The following RAB38 variants were observed in gnomAD, a reference collection of about 807,000 sequenced individuals.
RAB38 encodes the protein RAB38, member RAS oncogene family.
In RAB38, 15 loss-of-function variants were observed where a neutral mutation model predicts 18.4. The ratio of observed to expected loss-of-function variants is 0.82; its 90% CI spans 0.55 to 1.26. The LOEUF is 1.26. Ranked by LOEUF, RAB38 falls within the 50% of genes most tolerant of loss-of-function variation. The pLI, the probability that RAB38 is intolerant of heterozygous loss-of-function variation, is 0.00. For synonymous variants in RAB38, 101 were observed against 104.4 expected (o/e 0.97, Z 0.20); for missense variants, 294 against 267.4 (o/e 1.10, Z -0.69).
At chr11:87,923,530 G>C in the RAB38 span, among the ~76,000 whole-genome samples, 1 of 149,640 alleles carries the variant, frequency 6.7e-6, no homozygotes, top group Non-Finnish European at 1.5e-5. Context: ...TTGCTCCAAT[G>C]TAAGAGTCAA....
the RAB38 span, among the ~76,000 whole-genome samples, chr11:87,845,851 TGCCAAA>T: frequency 1.3e-5 from 2 of 152,090 alleles, no homozygotes; most frequent in East Asian, 3.9e-4. Context: ...CATCAGAAAC[TGCCAAA>T]GCCAAAGACT....
the RAB38 span, among the ~76,000 whole-genome samples, chr11:87,891,470 G>T: frequency 6.6e-6 from 1 of 151,808 alleles, no homozygotes; most frequent in East Asian, 2.0e-4. Context: ...TGTTTCCAGT[G>T]GTGGGCAGGC....
rs1413618714 is a variant in RAB38, at chr11:88,113,722, G to A, written c.*266C>T. The A allele has an allele frequency of 1.0e-5, 4 of 392,804 alleles. No individual in the cohort carries two copies. The highest frequency in any genetic ancestry group is 1.9e-5 in the Non-Finnish European group (4 of 214,694). 24.3% of individuals were successfully genotyped at this position (392,804 alleles called of 1,614,324 possible). ...AAAGAAGCAAATAACAGTGCCGACTGTGGCCCTGCAGGATTTTGGTCAGCT... is the reference window on the plus strand; with the variant it reads ...AAAGAAGCAAATAACAGTGCCGACTATGGCCCTGCAGGATTTTGGTCAGCT... On this transcript the variant is annotated 3_prime_UTR_variant, in exon 3 of 3. Transcript: ENST00000243662.
chr11:87,873,606 A>G, the RAB38 span, among the ~76,000 whole-genome samples: 2 of 151,518 alleles, frequency 1.3e-5, no homozygotes, highest in African/African-American at 4.8e-5. Context: ...ATTTAAGACT[A>G]TAATCCATTT....
At chr11:87,936,027 T>C in the RAB38 span, among the ~76,000 whole-genome samples, 3 of 152,190 alleles carry the variant, frequency 2.0e-5, no homozygotes, top group African/African-American at 7.2e-5. Context: ...TGTTGAGTTT[T>C]GAGAATTCTT....
At chr11:87,830,636 T>C in the RAB38 span, among the ~76,000 whole-genome samples, 1 of 152,168 alleles carries the variant, frequency 6.6e-6, no homozygotes, top group East Asian at 1.9e-4. Flanking sequence ...TTATATATTA[T>C]ACATTGTACA....
chr11:87,906,093 C>A, the RAB38 span, among the ~76,000 whole-genome samples: 1 of 151,876 alleles, frequency 6.6e-6, no homozygotes, highest in Non-Finnish European at 1.5e-5. Flanking sequence ...ATATATTTTT[C>A]TTTTCACATA....
the RAB38 span, among the ~76,000 whole-genome samples, chr11:87,965,754 C>T: frequency 1.3e-5 from 2 of 152,086 alleles, no homozygotes; most frequent in African/African-American, 2.4e-5. Flanking sequence ...AACAATGAAG[C>T]CAGTTTTTAT....
chr11:87,941,742 T>C, the RAB38 span, among the ~76,000 whole-genome samples: 1 of 152,212 alleles, frequency 6.6e-6, no homozygotes, highest in Non-Finnish European at 1.5e-5. Context: ...AAAAAATTAC[T>C]GAGGCTTATC....
chr11:88,071,642 G>A, the RAB38 span, among the ~76,000 whole-genome samples: 3 of 152,172 alleles, frequency 2.0e-5, no homozygotes, highest in Admixed American at 2.0e-4. Flanking sequence ...TCTGACACTG[G>A]ATAAGGAGAC....
chr11:87,808,393 C>T, the RAB38 span, among the ~76,000 whole-genome samples: 2 of 152,028 alleles, frequency 1.3e-5, no homozygotes, highest in Admixed American at 6.6e-5. Flanking sequence ...AGAAAATATC[C>T]TGTTATTTGT....
the RAB38 span, among the ~76,000 whole-genome samples, chr11:87,957,513 T>G: frequency 6.6e-6 from 1 of 152,156 alleles, no homozygotes; most frequent in Admixed American, 6.5e-5. Context: ...TGAAGAAGCA[T>G]GATTGGACAA....
At chr11:88,048,303 G>T in the RAB38 span, among the ~76,000 whole-genome samples, 1 of 152,170 alleles carries the variant, frequency 6.6e-6, no homozygotes, top group Middle Eastern at 3.4e-3. Context: ...ATAATTCCTC[G>T]GTTTGGCCTT....
At chr11:87,857,296 C>T in the RAB38 span, among the ~76,000 whole-genome samples, 3 of 152,180 alleles carry the variant, frequency 2.0e-5, no homozygotes, top group Non-Finnish European at 2.9e-5. Context: ...CAAGTCTTTG[C>T]TATTGTGAAT....
chr11:88,042,872 C>T, the RAB38 span, among the ~76,000 whole-genome samples: 4 of 152,186 alleles, frequency 2.6e-5, no homozygotes, highest in African/African-American at 9.7e-5. Context: ...TGACTTGGCT[C>T]ATAGGCTGAG....
the RAB38 span, among the ~76,000 whole-genome samples, chr11:87,883,598 G>T: frequency 0.72 from 108,921 of 151,798 alleles, 40,294 homozygotes; most frequent in Non-Finnish European, 0.82. Context: ...GAACTTTGCA[G>T]AAGTGATTCA....
At chr11:88,054,446 T>C in the RAB38 span, among the ~76,000 whole-genome samples, 1 of 152,244 alleles carries the variant, frequency 6.6e-6, no homozygotes, top group Non-Finnish European at 1.5e-5. Flanking sequence ...GTTTGAATTT[T>C]AGCAAAAAAC....
At chr11:87,844,045 T>C in the RAB38 span, among the ~76,000 whole-genome samples, 1 of 152,226 alleles carries the variant, frequency 6.6e-6, no homozygotes, top group African/African-American at 2.4e-5. Context: ...TAATTAACTA[T>C]ATTTTCTATT....
intron 1 of RAB38, among the ~76,000 whole-genome samples, chr11:88,170,346 G>A (rs997099976): frequency 5.3e-5 from 8 of 152,142 alleles, no homozygotes; most frequent in South Asian, 2.1e-4. Flanking sequence ...CACACTCATC[G>A]CCAAATTTAG....
Sources: allele counts gnomAD v4.1 joint callset (sites outside exome capture counted in the v4.1 genomes callset), GRCh38; gene constraint gnomAD v4.1.1; transcripts MANE v1.5; gene names NCBI Gene and HGNC (gene_info 2026-07-23, HGNC 2026-07-21).